ABCD3: variants seen among roughly 807,000 people sequenced by gnomAD.
ABCD3 encodes the protein ATP binding cassette subfamily D member 3.
In ABCD3, 41 loss-of-function variants were observed where a neutral mutation model predicts 105.5. That is an observed-to-expected ratio of 0.39 (90% confidence interval 0.30 to 0.50). The LOEUF is 0.50. Among genes scored for constraint, ABCD3 ranks in the 20% least tolerant of loss-of-function variants. ABCD3 has a pLI of 0.84. For missense variants in ABCD3, 622 were observed against 806.3 expected (o/e 0.77, Z 2.77); for synonymous variants, 258 against 269.0 (o/e 0.96, Z 0.40).
chr1:94,386,690 A>G, the ABCD3 span, among the ~76,000 whole-genome samples: 2 of 152,150 alleles, frequency 1.3e-5, no homozygotes, highest in Admixed American at 1.3e-4. Context: ...TAAATATAAC[A>G]ATTTGAACTT....
the ABCD3 span, among the ~76,000 whole-genome samples, chr1:94,411,282 A>C: frequency 1.3e-5 from 2 of 152,188 alleles, no homozygotes; most frequent in Admixed American, 6.6e-5. Context: ...ACAACTCAAC[A>C]ACAAAGAGAC....
chr1:94,473,930 A>G (rs1301556958), intron 5 of ABCD3, 95 bp downstream of exon 5: 31 of 935,068 alleles, frequency 3.3e-5, no homozygotes, highest in Non-Finnish European at 4.5e-5. Flanking sequence ...TTAAAGACTT[A>G]TGATACTAAG....
intron 1 of ABCD3, among the ~76,000 whole-genome samples, chr1:94,428,069 G>GTTTTT (rs199615252): frequency 6.9e-6 from 1 of 145,574 alleles, no homozygotes. Context: ...GCTAAAAGGT[G>GTTTTT]TTTTGTTTTT....
chr1:94,434,166 G>A (rs946673305), intron 1 of ABCD3, among the ~76,000 whole-genome samples: 1 of 151,956 alleles, frequency 6.6e-6, no homozygotes, highest in African/African-American at 2.4e-5. Flanking sequence ...TAGGCTACAT[G>A]AAATTTATTT....
At chr1:94,439,164 T>G (rs1373957366) in intron 1 of ABCD3, among the ~76,000 whole-genome samples, 1 of 152,218 alleles carries the variant, frequency 6.6e-6, no homozygotes, top group African/African-American at 2.4e-5. Context: ...CCTTTGTACT[T>G]GAAAATTTGT....
chr1:94,499,475 T>G lies in ABCD3; in HGVS notation c.1621-20T>G, dbSNP rs373311594. On this transcript the variant is annotated intron_variant, in intron 19 of 22. Transcript: ENST00000370214. ...GGCTTATATTAAGTTTAATTTCATC[T>G]TTAATCATTTTGCTGAAAGGTACTG... The G allele has an allele frequency of 1.2e-6, 2 of 1,611,424 alleles. No individual in the cohort carries two copies. Among genetic ancestry groups the G allele is most frequent in the Non-Finnish European group, 1.7e-6 (2 of 1,177,886 alleles).
rs1315534970 is a variant in ABCD3, at chr1:94,445,429, C to CG, written c.111-13176dup. On this transcript the variant is annotated intron_variant, in intron 1 of 22. Coordinates refer to ENST00000370214, the MANE Select transcript of ABCD3 (RefSeq NM_002858.4). Reference sequence around the variant, plus strand: ...CCCATGGTGGGTAAGAAGGGGAGCTCGGAAGCATCAGGGTAACATTGGGAC... The same window carrying CG: ...CCCATGGTGGGTAAGAAGGGGAGCTCGGGAAGCATCAGGGTAACATTGGGAC... 3.9e-5 allele frequency among the ~76,000 whole-genome samples: 6 copies of CG among 152,260 alleles called. No individual in the cohort carries two copies. The East Asian group carries it at 9.7e-4, about 25-fold the overall frequency.
intron 15 of ABCD3, 62 bp downstream of exon 15, chr1:94,490,037 C>A: frequency 7.0e-7 from 1 of 1,436,196 alleles, no homozygotes; most frequent in South Asian, 1.2e-5. Flanking sequence ...AGTAGTCTTT[C>A]TTTTTCAGCT....
chr1:94,483,025 A>G (rs1413180358), intron 9 of ABCD3, 145 bp from the exon 10 acceptor site: 1 of 664,884 alleles, frequency 1.5e-6, no homozygotes, highest in African/African-American at 1.8e-5. Flanking sequence ...TCAGGTATAG[A>G]CTGTGGCTTG....
At chr1:94,466,841 G>A (rs999376490) in intron 3 of ABCD3, among the ~76,000 whole-genome samples, 2 of 152,178 alleles carry the variant, frequency 1.3e-5, no homozygotes, top group Non-Finnish European at 2.9e-5. Flanking sequence ...CTGGGAATTA[G>A]TAAGGGAGGT....
chr1:94,452,553 A>C (rs112177576), intron 1 of ABCD3, among the ~76,000 whole-genome samples: 6 of 152,222 alleles, frequency 3.9e-5, no homozygotes, highest in African/African-American at 1.4e-4. Flanking sequence ...TTATTCTGAA[A>C]GTCATTATGT....
intron 21 of ABCD3, among the ~76,000 whole-genome samples, chr1:94,506,934 T>C (rs1650384300): frequency 6.6e-6 from 1 of 151,912 alleles, no homozygotes; most frequent in Admixed American, 6.6e-5. Context: ...CATTTATATA[T>C]AAATGAGTTA....
intron 1 of ABCD3, among the ~76,000 whole-genome samples, chr1:94,442,955 A>G (rs527705333): frequency 3.9e-4 from 60 of 152,046 alleles, no homozygotes; most frequent in African/African-American, 1.4e-3. Context: ...ATATATATAT[A>G]TTTTCTTTCC....
chr1:94,447,319 A>G (rs1188442434), intron 1 of ABCD3, among the ~76,000 whole-genome samples: 1 of 152,252 alleles, frequency 6.6e-6, no homozygotes, highest in Admixed American at 6.5e-5. Context: ...TTTAAGAGCC[A>G]TTAATTCAGT....
intron 20 of ABCD3, among the ~76,000 whole-genome samples, chr1:94,500,420 G>T (rs1650037362): frequency 6.6e-6 from 1 of 152,060 alleles, no homozygotes; most frequent in Non-Finnish European, 1.5e-5. Flanking sequence ...CAGGCTGGGC[G>T]ATAGAAGGAG....
At chr1:94,413,366 A>G in the ABCD3 span, among the ~76,000 whole-genome samples, 1 of 152,212 alleles carries the variant, frequency 6.6e-6, no homozygotes, top group African/African-American at 2.4e-5. Context: ...TGCAATTTAA[A>G]TAAATAAACA....
At chr1:94,464,335 T>A (rs925550961) in intron 2 of ABCD3, among the ~76,000 whole-genome samples, 3 of 152,122 alleles carry the variant, frequency 2.0e-5, no homozygotes, top group Non-Finnish European at 2.9e-5. Flanking sequence ...TTTTTTTTTT[T>A]AAATATGGTG....
chr1:94,408,343 G>C, the ABCD3 span, among the ~76,000 whole-genome samples: 6 of 152,114 alleles, frequency 3.9e-5, no homozygotes, highest in East Asian at 1.2e-3. Flanking sequence ...AGCACTTTGG[G>C]AGGCCAAGGT....
chr1:94,497,042 C>T (rs1405043360), intron 16 of ABCD3, among the ~76,000 whole-genome samples: 10 of 151,956 alleles, frequency 6.6e-5, no homozygotes, highest in Admixed American at 6.6e-4. Flanking sequence ...TAGTTAAATC[C>T]TAATTCACCC....
Sources: gnomAD v4.1 joint callset for allele counts (sites outside exome capture counted in the v4.1 genomes callset) on GRCh38, gnomAD v4.1.1 for gene constraint, MANE v1.5 for transcripts, NCBI Gene and HGNC (gene_info 2026-07-23, HGNC 2026-07-21) for gene names.